The following SCHIP1 variants were observed in gnomAD, a reference collection of about 807,000 sequenced individuals.
SCHIP1 encodes the protein schwannomin interacting protein 1, also known as schwannomin-interacting protein 1.
Under a neutral mutation model 29.7 loss-of-function variants are expected in SCHIP1, and 8 were observed. The ratio of observed to expected loss-of-function variants is 0.27; its 90% CI spans 0.16 to 0.49. The LOEUF is 0.49. Ranked by LOEUF, SCHIP1 falls within the 20% of genes least tolerant of loss-of-function variation. SCHIP1 has a pLI of 0.99. For missense variants in SCHIP1, 193 were observed against 294.6 expected, an observed-to-expected ratio of 0.66 and a Z score of 2.52; for synonymous variants, 76 against 94.9, an observed-to-expected ratio of 0.80 and a Z score of 1.16.
At chr3:159,651,119 T>A in the SCHIP1 span, among the ~76,000 whole-genome samples, 1 of 152,214 alleles carries the variant, frequency 6.6e-6, no homozygotes, top group African/African-American at 2.4e-5. Flanking sequence ...TACATAAGTG[T>A]TATTTGCTAT....
intron 6 of SCHIP1, 100 bp downstream of exon 7, chr3:159,892,290 TC>T: frequency 7.3e-7 from 1 of 1,375,364 alleles, no homozygotes; most frequent in Non-Finnish European, 1.0e-6. Flanking sequence ...TTCCTCTACT[TC>T]CATAAATAAC....
At chr3:159,571,660 T>A in the SCHIP1 span, among the ~76,000 whole-genome samples, 1 of 152,200 alleles carries the variant, frequency 6.6e-6, no homozygotes, top group African/African-American at 2.4e-5. Context: ...TAGGGAGGAT[T>A]CCCTCTTTGT....
At chr3:159,614,084 G>A in the SCHIP1 span, among the ~76,000 whole-genome samples, 2 of 152,138 alleles carry the variant, frequency 1.3e-5, no homozygotes, top group Non-Finnish European at 2.9e-5. Flanking sequence ...GGTTCAGAGA[G>A]GTCCTATAAC....
the SCHIP1 span, among the ~76,000 whole-genome samples, chr3:159,284,297 A>G: frequency 6.6e-6 from 1 of 152,198 alleles, no homozygotes; most frequent in Admixed American, 6.6e-5. Context: ...ATAAGTGAAT[A>G]TCTTGAGATT....
At chr3:159,623,615 G>C in the SCHIP1 span, among the ~76,000 whole-genome samples, 25,990 of 152,112 alleles carry the variant, frequency 0.17, 6,312 homozygotes, top group African/African-American at 0.54. Flanking sequence ...GACAGAGTGA[G>C]ACTCCATCTC....
chr3:159,580,667 A>C, the SCHIP1 span, among the ~76,000 whole-genome samples: 1 of 152,256 alleles, frequency 6.6e-6, no homozygotes, highest in African/African-American at 2.4e-5. Flanking sequence ...GTCAAGACAC[A>C]GCCTCAGAAG....
the SCHIP1 span, among the ~76,000 whole-genome samples, chr3:159,625,560 T>C: frequency 4.6e-5 from 7 of 152,192 alleles, no homozygotes; most frequent in Non-Finnish European, 8.8e-5. Flanking sequence ...TCCTACCTAA[T>C]GTTGCACTAA....
At chr3:159,415,213 G>A in the SCHIP1 span, among the ~76,000 whole-genome samples, 1 of 26,020 alleles carries the variant, frequency 3.8e-5, no homozygotes, top group East Asian at 7.0e-4. Flanking sequence ...GCACTTAATA[G>A]CAACATGACT....
chr3:159,642,516 T>A, the SCHIP1 span, among the ~76,000 whole-genome samples: 231 of 152,258 alleles, frequency 1.5e-3, no homozygotes, highest in African/African-American at 5.0e-3. Flanking sequence ...CACAGATTAC[T>A]CAAATGATAT....
the SCHIP1 span, among the ~76,000 whole-genome samples, chr3:159,506,065 A>C: frequency 1.3e-5 from 2 of 152,178 alleles, no homozygotes; most frequent in African/African-American, 4.8e-5. Context: ...ACAATGGTTG[A>C]ACTAGTGTAC....
chr3:159,797,621 G>A, the SCHIP1 span, among the ~76,000 whole-genome samples: 114 of 149,904 alleles, frequency 7.6e-4, no homozygotes, highest in African/African-American at 2.7e-3. Context: ...TGCCCAGGCT[G>A]GAGTGCAGTG....
the SCHIP1 span, among the ~76,000 whole-genome samples, chr3:159,608,314 T>C: frequency 6.6e-6 from 1 of 152,212 alleles, no homozygotes; most frequent in Admixed American, 6.5e-5. Context: ...AGCATATCGC[T>C]TAATATGTAT....
At chr3:159,457,406 T>C in the SCHIP1 span, among the ~76,000 whole-genome samples, 1 of 151,964 alleles carries the variant, frequency 6.6e-6, no homozygotes, top group Non-Finnish European at 1.5e-5. Context: ...GTTTTTTTTT[T>C]TTATGTGTAT....
the SCHIP1 span, among the ~76,000 whole-genome samples, chr3:159,463,797 A>G: frequency 6.6e-6 from 1 of 152,112 alleles, no homozygotes; most frequent in Non-Finnish European, 1.5e-5. Flanking sequence ...TTCTTAAAAT[A>G]TAAACAGAAT....
chr3:159,868,027 T>A (rs1028514648), intron 2 of SCHIP1, among the ~76,000 whole-genome samples: 101 of 122,244 alleles, frequency 8.3e-4, no homozygotes, highest in Admixed American at 2.1e-3. Flanking sequence ...TCAATGATTT[T>A]TATATATATA....
At chr3:159,536,861 TCTTC>T in the SCHIP1 span, among the ~76,000 whole-genome samples, 1 of 152,210 alleles carries the variant, frequency 6.6e-6, no homozygotes, top group Admixed American at 6.5e-5. Flanking sequence ...AAAACTCATC[TCTTC>T]CTAATTATTT....
the SCHIP1 span, among the ~76,000 whole-genome samples, chr3:159,459,725 A>G: frequency 6.6e-6 from 1 of 152,172 alleles, no homozygotes; most frequent in East Asian, 1.9e-4. Context: ...CCTACAATGT[A>G]ATTGTATTTA....
chr3:159,433,895 A>T, the SCHIP1 span, among the ~76,000 whole-genome samples: 23 of 152,154 alleles, frequency 1.5e-4, no homozygotes, highest in Non-Finnish European at 3.2e-4. Flanking sequence ...AGACTGATAA[A>T]CACCTGTCCC....
the SCHIP1 span, among the ~76,000 whole-genome samples, chr3:159,653,518 A>G: frequency 6.8e-6 from 1 of 146,856 alleles, no homozygotes; most frequent in Admixed American, 6.8e-5. Flanking sequence ...GTTCTCACTT[A>G]TAAGTGGGAG....
Sources: gnomAD v4.1 joint callset for allele counts (sites outside exome capture counted in the v4.1 genomes callset) on GRCh38, gnomAD v4.1.1 for gene constraint, MANE v1.5 for transcripts, NCBI Gene and HGNC (gene_info 2026-07-23, HGNC 2026-07-21) for gene names.